Variants in NCKAP5 observed in about 807,000 individuals in gnomAD.
The protein encoded by NCKAP5 is nck-associated protein 5.
A neutral mutation model predicts 167.0 loss-of-function variants in NCKAP5; 92 were observed. The ratio of observed to expected loss-of-function variants is 0.55; its 90% confidence interval spans 0.47 to 0.66. The LOEUF (loss-of-function observed/expected upper bound fraction) is 0.66. NCKAP5 is among the 30% of genes least tolerant of loss of function. The pLI is 0.00. For missense variants in NCKAP5, 2,378 were observed against 2,315.0 expected, an observed-to-expected ratio of 1.03 and a Z score of -0.56; for synonymous variants, 891 against 877.4, an observed-to-expected ratio of 1.02 and a Z score of -0.27.
intron 5 of NCKAP5, among the ~76,000 whole-genome samples, chr2:133,189,735 T>C (rs943618552): frequency 2.6e-5 from 4 of 151,494 alleles, no homozygotes; most frequent in African/African-American, 4.8e-5. Context: ...AATTCAACAA[T>C]GCTTCATGCT....
At chr2:133,159,101 C>T (rs2083688128) in intron 5 of NCKAP5, among the ~76,000 whole-genome samples, 1 of 151,904 alleles carries the variant, frequency 6.6e-6, no homozygotes, top group Non-Finnish European at 1.5e-5. Flanking sequence ...TAAAAGCAGA[C>T]AATTTCTCCG....
intron 3 of NCKAP5, among the ~76,000 whole-genome samples, chr2:133,435,503 A>T (rs1026736433): frequency 6.6e-6 from 1 of 152,184 alleles, no homozygotes; most frequent in African/African-American, 2.4e-5. Flanking sequence ...GAACGAAGCC[A>T]GTCTCTCCAG....
chr2:132,760,754 C>A (rs1003867977), intron 16 of NCKAP5, among the ~76,000 whole-genome samples: 1 of 152,138 alleles, frequency 6.6e-6, no homozygotes, highest in African/African-American at 2.4e-5. Context: ...CCTGAGTCTG[C>A]ATTGTTTTTT....
intron 4 of NCKAP5, among the ~76,000 whole-genome samples, chr2:133,263,578 C>T (rs1301021854): frequency 2.0e-5 from 3 of 152,222 alleles, no homozygotes; most frequent in African/African-American, 2.4e-5. Context: ...TATCAGCTAG[C>T]ATTATAAAAA....
chr2:133,381,683 C>T (rs1686534008), intron 3 of NCKAP5, among the ~76,000 whole-genome samples: 1 of 152,208 alleles, frequency 6.6e-6, no homozygotes, highest in African/African-American at 2.4e-5. Flanking sequence ...TCTGGCAGAA[C>T]CCAAGTGGGA....
In NCKAP5 at chr2:133,217,913, C is replaced by T. The variant is rs571332035; in HGVS notation, c.144-4134G>A. On this transcript the variant is annotated intron_variant, in intron 4 of 19. Transcript: ENST00000409261. ...CTTTTTTACATACATTCTAAAATTA[C>T]GAAAAGTACAACTTCCATAGGCCAC... 1.4e-4 allele frequency among the ~76,000 whole-genome samples: 21 copies of T among 152,162 alleles called. No homozygotes were observed. The South Asian group carries it at 3.7e-3, about 27-fold the overall frequency.
At chr2:133,471,283 C>T (rs937005118) in intron 3 of NCKAP5, among the ~76,000 whole-genome samples, 3 of 152,170 alleles carry the variant, frequency 2.0e-5, no homozygotes, top group African/African-American at 7.2e-5. Flanking sequence ...TTTACTCCTG[C>T]TAAGTGAGCG....
At chr2:132,958,433 C>G (rs1030166667) in intron 8 of NCKAP5, among the ~76,000 whole-genome samples, 17 of 152,222 alleles carry the variant, frequency 1.1e-4, no homozygotes, top group Non-Finnish European at 1.2e-4. Flanking sequence ...TATTAGCCCA[C>G]AAAGCAGAAG....
chr2:133,517,743 G>A (rs532481761), intron 2 of NCKAP5, among the ~76,000 whole-genome samples, 156 bp from the exon 3 acceptor site: 14 of 152,276 alleles, frequency 9.2e-5, no homozygotes, highest in African/African-American at 3.1e-4. Flanking sequence ...AGACCACTCC[G>A]TGTTACAAAT....
intron 16 of NCKAP5, among the ~76,000 whole-genome samples, chr2:132,755,679 A>G (rs1307242247): frequency 1.3e-5 from 2 of 151,758 alleles, no homozygotes; most frequent in Non-Finnish European, 1.5e-5. Flanking sequence ...AAATACAAAA[A>G]TTAGCTGGGC....
chr2:133,639,294 A>G, the NCKAP5 span, among the ~76,000 whole-genome samples: 1 of 152,192 alleles, frequency 6.6e-6, no homozygotes, highest in Non-Finnish European at 1.5e-5. Context: ...AATATCTACA[A>G]TCCAGCAACT....
intron 3 of NCKAP5, among the ~76,000 whole-genome samples, chr2:133,465,817 G>A (rs1314222401): frequency 6.7e-6 from 1 of 150,246 alleles, no homozygotes; most frequent in Non-Finnish European, 1.5e-5. Flanking sequence ...CTTTTGAGAA[G>A]TGTCTGTTCA....
At chr2:133,349,100 T>C (rs888929675) in intron 3 of NCKAP5, among the ~76,000 whole-genome samples, 3 of 152,218 alleles carry the variant, frequency 2.0e-5, no homozygotes, top group Non-Finnish European at 4.4e-5. Flanking sequence ...GTCAAATCTT[T>C]TCACTGTTTT....
chr2:132,788,536 T>C (rs542453833), intron 13 of NCKAP5, among the ~76,000 whole-genome samples: 1 of 152,250 alleles, frequency 6.6e-6, no homozygotes, highest in Admixed American at 6.5e-5. Context: ...CACCTCAGTG[T>C]CCTCTTCTGT....
At chr2:133,210,351 T>C (rs2086156701) in intron 5 of NCKAP5, among the ~76,000 whole-genome samples, 2 of 152,094 alleles carry the variant, frequency 1.3e-5, no homozygotes, top group East Asian at 1.9e-4. Context: ...GGTTTGTTGA[T>C]GACTTTAAAA....
intron 3 of NCKAP5, among the ~76,000 whole-genome samples, chr2:133,317,237 A>C (rs1355424760): frequency 6.6e-6 from 1 of 152,000 alleles, no homozygotes; most frequent in East Asian, 1.9e-4. Context: ...CAAAACCAGA[A>C]CCCAAAACAC....
chr2:132,878,563 A>G (rs1385128485), intron 9 of NCKAP5, among the ~76,000 whole-genome samples: 1 of 151,964 alleles, frequency 6.6e-6, no homozygotes, highest in East Asian at 1.9e-4. Context: ...CAACAACCAA[A>G]AGGAATATAC....
intron 7 of NCKAP5, among the ~76,000 whole-genome samples, chr2:132,987,404 T>C (rs996428965): frequency 1.3e-5 from 2 of 152,204 alleles, no homozygotes; most frequent in Non-Finnish European, 2.9e-5. Context: ...GAACTGGATA[T>C]ATATTTCATG....
At chr2:133,529,799 C>A (rs1312244990) in intron 2 of NCKAP5, among the ~76,000 whole-genome samples, 1 of 152,136 alleles carries the variant, frequency 6.6e-6, no homozygotes, top group Non-Finnish European at 1.5e-5. Flanking sequence ...AGCTGGGCAT[C>A]TTTGTTTTAT....
Sources: allele counts gnomAD v4.1 joint callset (sites outside exome capture counted in the v4.1 genomes callset), GRCh38; gene constraint gnomAD v4.1.1; transcripts MANE v1.5; gene names NCBI Gene and HGNC (gene_info 2026-07-23, HGNC 2026-07-21).